The following ESRP1 variants were observed in gnomAD, a reference collection of about 807,000 sequenced individuals.
ESRP1 encodes the protein epithelial splicing regulatory protein 1.
A neutral mutation model predicts 81.7 loss-of-function variants in ESRP1; 33 were observed. That is an observed-to-expected ratio of 0.40 (90% CI 0.31 to 0.54). The LOEUF is 0.54. Among genes scored for constraint, ESRP1 ranks in the 20% least tolerant of loss-of-function variants. The pLI is 0.41. For synonymous variants in ESRP1, 320 were observed against 303.3 expected (o/e 1.06, Z -0.57); for missense variants, 672 against 833.1 (o/e 0.81, Z 2.38).
At chr8:94,674,565 T>C in intron 12 of ESRP1, 59 bp downstream of exon 12, 2 of 1,487,924 alleles carry the variant, frequency 1.3e-6, no homozygotes, top group Non-Finnish European at 1.8e-6. Flanking sequence ...GTGCTTAAGC[T>C]GCTTTCGTAA....
intron 10 of ESRP1, chr8:94,668,503 T>C (rs1223126572): frequency 6.9e-6 from 2 of 289,502 alleles, no homozygotes; most frequent in Non-Finnish European, 1.3e-5. Context: ...GTTTTAAAAC[T>C]ATGAAAGCTT....
chr8:94,668,808 T>TGTGTGTG (rs56799877), intron 10 of ESRP1, among the ~76,000 whole-genome samples: 2 of 151,300 alleles, frequency 1.3e-5, no homozygotes, highest in African/African-American at 4.9e-5. Context: ...TGTGTGTGTG[T>TGTGTGTG]TTGAGATGGG....
intron 6 of ESRP1, among the ~76,000 whole-genome samples, chr8:94,663,728 G>A (rs947564400): frequency 6.6e-6 from 1 of 152,170 alleles, no homozygotes; most frequent in Admixed American, 6.5e-5. Flanking sequence ...AGGCCGATTA[G>A]TTGTGGAGAA....
At chr8:94,664,316 G>A (rs1437442019) in intron 6 of ESRP1, among the ~76,000 whole-genome samples, 2 of 152,040 alleles carry the variant, frequency 1.3e-5, no homozygotes, top group Non-Finnish European at 2.9e-5. Flanking sequence ...TAGAGACGGG[G>A]TTTTACCATG....
intron 4 of ESRP1, among the ~76,000 whole-genome samples, chr8:94,655,073 G>GTGTA (rs1818334831): frequency 1.7e-5 from 2 of 117,290 alleles, no homozygotes; most frequent in African/African-American, 7.3e-5. Flanking sequence ...TTTTGTGTGT[G>GTGTA]TGTGTGTGTG....
intron 10 of ESRP1, 106 bp from the exon 11 acceptor site, chr8:94,671,347 C>T (rs1819313404): frequency 2.4e-6 from 2 of 844,402 alleles, no homozygotes; most frequent in Non-Finnish European, 3.6e-6. Context: ...CTGGGGTGAG[C>T]TGGATTCTGC....
chr8:94,664,913 T>C lies in ESRP1; in HGVS notation c.756-14T>C, dbSNP rs1818940793. ...TTTTTTTTCTACCTGCTGTCTGTTT[T>C]ATTATTCTCAAAGGGGAGGTGCAGC... On this transcript the variant is annotated splice_polypyrimidine_tract_variant and intron_variant, in intron 7 of 15. Coordinates refer to ENST00000433389, the MANE Select transcript of ESRP1 (RefSeq NM_017697.4). The C allele has an allele frequency of 6.2e-7, 1 of 1,612,044 alleles. No individual in the cohort carries two copies. The highest frequency in any genetic ancestry group is 8.5e-7 in the Non-Finnish European group (1 of 1,179,396).
chr8:94,702,063 G>A (rs1809863383), intron 15 of ESRP1, among the ~76,000 whole-genome samples: 1 of 152,210 alleles, frequency 6.6e-6, no homozygotes, highest in African/African-American at 2.4e-5. Flanking sequence ...GGACGACAGA[G>A]CGAGAGTTAA....
intron 11 of ESRP1, 89 bp downstream of exon 11, chr8:94,671,760 A>G (rs1392624489): frequency 1.2e-6 from 1 of 833,630 alleles, no homozygotes; most frequent in African/African-American, 1.7e-5. Context: ...AATCTATTAG[A>G]AATATCTAAT....
At chr8:94,660,461 G>A (rs1023078086) in intron 4 of ESRP1, among the ~76,000 whole-genome samples, 2 of 151,538 alleles carry the variant, frequency 1.3e-5, no homozygotes, top group African/African-American at 2.4e-5. Flanking sequence ...AAATGAGGTC[G>A]GGTGCAGTGG....
rs1810073158 is a variant in ESRP1 at position 94,706,460 on chromosome 8, A to G, written c.*571A>G. 6.5e-6 allele frequency: 1 copy of G among 152,906 alleles called. No individual in the cohort carries two copies. Among genetic ancestry groups the G allele is most frequent in the Non-Finnish European group, 1.5e-5 (1 of 68,394 alleles). 9.5% of individuals were successfully genotyped at this position (152,906 alleles called of 1,614,324 possible). A position where few individuals can be genotyped will look rare whatever the true frequency, so the allele number is the denominator to read the frequency against. ...TTCCCAGTCTCTTGGCCATGATGAT[A>G]TCTTATGATTAAAAACAAATTAAAT... On this transcript the variant is annotated 3_prime_UTR_variant, in exon 16 of 16. Transcript: ENST00000433389.
intron 15 of ESRP1, among the ~76,000 whole-genome samples, chr8:94,697,552 T>G (rs1809653189): frequency 6.6e-6 from 1 of 152,262 alleles, no homozygotes; most frequent in African/African-American, 2.4e-5. Context: ...TTTTTATGAC[T>G]GAATAACATT....
chr8:94,681,440 C>A (rs571129863), intron 13 of ESRP1, among the ~76,000 whole-genome samples: 8 of 150,008 alleles, frequency 5.3e-5, no homozygotes, highest in Admixed American at 5.3e-4. Context: ...GAGTTTGAGA[C>A]CAGCCTGGCC....
rs541863208 is a variant in ESRP1 at position 94,650,558 on chromosome 8, TGGTTTGTTTATCCATACAC to T, written c.490+4291_490+4309del. 1.4e-3 allele frequency among the ~76,000 whole-genome samples: 211 copies of T among 152,382 alleles called. 1 individual carries two copies. In the East Asian group the frequency reaches 0.035, roughly 25 times the overall value. On this transcript the variant is annotated intron_variant, in intron 4 of 15. Coordinates refer to ENST00000433389, the MANE Select transcript of ESRP1 (RefSeq NM_017697.4). ...CACTGAATTCCATTGTTTGGATGTA[TGGTTTGTTTATCCATACAC>T]GGTTTGTTTATCCAAACATGGTTTG...
intron 13 of ESRP1, among the ~76,000 whole-genome samples, chr8:94,679,958 TAA>T (rs1808809244): frequency 6.6e-6 from 1 of 151,944 alleles, no homozygotes; most frequent in Admixed American, 6.5e-5. Context: ...AAATATAATT[TAA>T]GTTTATTTGT....
At chr8:94,668,463 G>T in intron 10 of ESRP1, 4 of 403,394 alleles carry the variant, frequency 9.9e-6, no homozygotes, top group Non-Finnish European at 1.7e-5. Flanking sequence ...ACAGAAATGG[G>T]ATACTGCTAT....
intron 13 of ESRP1, among the ~76,000 whole-genome samples, chr8:94,686,995 A>C: frequency 6.6e-6 from 1 of 152,164 alleles, no homozygotes; most frequent in East Asian, 1.9e-4. Flanking sequence ...GTGTTCGGTC[A>C]TTTTTAGTAT....
chr8:94,684,104 C>T (rs907973910), intron 13 of ESRP1, among the ~76,000 whole-genome samples: 3 of 152,016 alleles, frequency 2.0e-5, no homozygotes, highest in African/African-American at 7.3e-5. Flanking sequence ...GCCTCGGCCT[C>T]CCTAAGTGCT....
rs1239969547 is a variant in ESRP1 at position 94,699,431 on chromosome 8, T to C, written c.*35+2470T>C. ...TCAGGTGGGCAGATCACTTAAGCCC[T>C]AGAAATTTGAGACCAGCCTGGGCAA... On this transcript the variant is annotated intron_variant, in intron 15 of 15. Transcript: ENST00000433389. 4.0e-5 allele frequency among the ~76,000 whole-genome samples: 6 copies of C among 151,860 alleles called. No individual in the cohort carries two copies. In the East Asian group the frequency reaches 1.2e-3, roughly 29 times the overall value.
Sources: gnomAD v4.1 joint callset for allele counts (sites outside exome capture counted in the v4.1 genomes callset) on GRCh38, gnomAD v4.1.1 for gene constraint, MANE v1.5 for transcripts, NCBI Gene and HGNC (gene_info 2026-07-23, HGNC 2026-07-21) for gene names.